The following ASXL3 variants were observed in gnomAD, a reference collection of about 807,000 sequenced individuals.
ASXL3 encodes ASXL transcriptional regulator 3.
ASXL3 carries 34 observed loss-of-function variants against 170.6 expected under a neutral mutation model. That is an observed-to-expected ratio of 0.20 (90% confidence interval 0.15 to 0.27). The LOEUF is 0.27. Ranked by LOEUF, ASXL3 falls within the 10% of genes least tolerant of loss-of-function variation. The pLI is 1.00. For synonymous variants in ASXL3, 1,002 were observed against 989.1 expected (o/e 1.01, Z -0.24); for missense variants, 2,592 against 2,695.3 (o/e 0.96, Z 0.85).
intron 1 of ASXL3, among the ~76,000 whole-genome samples, chr18:33,596,750 T>C (rs1252137201): frequency 6.6e-6 from 1 of 152,210 alleles, no homozygotes; most frequent in Non-Finnish European, 1.5e-5. Context: ...GTTTCTGTTA[T>C]TGGTTGAGTA....
chr18:33,581,170 A>G (rs2064988557), intron 1 of ASXL3, among the ~76,000 whole-genome samples: 1 of 152,130 alleles, frequency 6.6e-6, no homozygotes, highest in Admixed American at 6.6e-5. Flanking sequence ...AATTGATAGT[A>G]TTTCTTAACT....
intron 2 of ASXL3, chr18:33,641,777 T>C (rs1268441386): frequency 6.6e-6 from 1 of 152,540 alleles, no homozygotes; most frequent in Non-Finnish European, 1.5e-5. Context: ...TTGTTTTCCT[T>C]CTATAAATCG....
At chr18:33,643,259 G>C (rs1285774253) in intron 2 of ASXL3, among the ~76,000 whole-genome samples, 1 of 151,722 alleles carries the variant, frequency 6.6e-6, no homozygotes, top group Non-Finnish European at 1.5e-5. Flanking sequence ...AATTTATTTG[G>C]AATTTATTCA....
Position 33,746,424 on chromosome 18 carries a change from C to T in ASXL3, c.6576C>T (p.Asn2192=), listed in dbSNP as rs373489061. Residue 2192 remains asparagine (N), a synonymous_variant, in exon 12 of 12, where the codon AAC becomes AAT. Transcript: ENST00000269197. The part of the protein sequence containing the change: ...SNPATGLSGQ[N]AQMPVQNFAD... ...CTGCCACAGGCTTGTCTGGTCAGAA[C>T]GCTCAGATGCCCGTTCAGAACTTTG... The T allele has an allele frequency of 1.3e-5, 21 of 1,613,876 alleles. No individual in the cohort carries two copies. Among genetic ancestry groups the T allele is most frequent in the African/African-American group, 9.3e-5 (7 of 74,940 alleles).
intron 2 of ASXL3, among the ~76,000 whole-genome samples, chr18:33,642,401 C>T (rs1272216095): frequency 2.6e-5 from 4 of 151,698 alleles, no homozygotes; most frequent in Non-Finnish European, 5.9e-5. Flanking sequence ...TTTAAAAAAA[C>T]GGACCAGAAT....
At chr18:33,607,255 G>A (rs1043647456) in intron 1 of ASXL3, among the ~76,000 whole-genome samples, 9 of 151,904 alleles carry the variant, frequency 5.9e-5, no homozygotes, top group African/African-American at 1.9e-4. Flanking sequence ...TTAACAGCCT[G>A]AAAACATGAC....
Position 33,750,253 on chromosome 18 carries a change from C to G in ASXL3, c.*3658C>G, listed in dbSNP as rs569526066. 7 of 152,300 alleles carry G rather than the reference C, an allele frequency of 4.6e-5. No homozygotes were observed. Among genetic ancestry groups the G allele is most frequent in the African/African-American group, 1.7e-4 (7 of 41,566 alleles). 9.4% of individuals were successfully genotyped at this position (152,300 alleles called of 1,614,324 possible). A position where few individuals can be genotyped will look rare whatever the true frequency, so the allele number is the denominator to read the frequency against. On this transcript the variant is annotated 3_prime_UTR_variant, in exon 12 of 12. Transcript: ENST00000269197. The stretch of plus-strand genomic sequence containing the variant: ...CCAAAATGTTACTAAATATAAAATT[C>G]CTGTCGTCTTCAGTCTTCATGCTTT...
rs758249028 is a variant in ASXL3, at chr18:33,743,439, C to T, written c.3591C>T (p.Asp1197=). ...NPSKLPETAT[D]LSVHSSDENI... ...GTAAACTTCCAGAAACTGCCACTGA[C>T]TTATCTGTGCATAGTTCTGATGAAA... The change falls in exon 12 of 12, where the codon GAC becomes GAT. Residue 1197 remains aspartate, a synonymous_variant. Coordinates refer to ENST00000269197, the MANE Select transcript of ASXL3 (RefSeq NM_030632.3). The T allele has an allele frequency of 5.6e-6, 9 of 1,613,416 alleles. No individual in the cohort carries two copies. The highest frequency in any genetic ancestry group is 6.8e-6 in the Non-Finnish European group (8 of 1,179,888).
intron 8 of ASXL3, among the ~76,000 whole-genome samples, chr18:33,711,849 A>C (rs1444388925): frequency 6.6e-6 from 1 of 152,086 alleles, no homozygotes; most frequent in East Asian, 1.9e-4. Context: ...CTTATATATC[A>C]CTCAGCAATA....
intron 2 of ASXL3, among the ~76,000 whole-genome samples, chr18:33,621,247 T>C (rs2065508211): frequency 6.6e-6 from 1 of 152,176 alleles, no homozygotes; most frequent in South Asian, 2.1e-4. Flanking sequence ...GACTCATCTT[T>C]AAGCTTAGAA....
In ASXL3 at chr18:33,744,507, G is replaced by C. The variant is rs574964675; in HGVS notation, c.4659G>C (p.Pro1553=). ...SAAKQDSKTL[P]ATCTSLRELP... ...CAAAACAAGACAGTAAAACATTGCC[G>C]GCCACCTGCACAAGTCTCCGAGAAT... is the stretch of plus-strand genomic sequence containing the variant. Residue 1553 remains proline, a synonymous_variant, in exon 12 of 12, where the codon CCG becomes CCC. Transcript: ENST00000269197. The C allele has an allele frequency of 3.1e-6, 5 of 1,612,072 alleles. No individual in the cohort carries two copies. The highest frequency in any genetic ancestry group is 1.7e-5 in the Admixed American group (1 of 59,884).
At position 33,661,598 on chromosome 18, in the gene ASXL3, ATC is replaced by A. The variant is rs1568311423; in HGVS notation, c.356-10_356-9del. 7 of 1,596,782 alleles carry A rather than the reference ATC, an allele frequency of 4.4e-6. No individual in the cohort carries two copies. Among genetic ancestry groups the A allele is most frequent in the Non-Finnish European group, 6.0e-6 (7 of 1,170,524 alleles). ...AGGAATTCAAATTAGTAATATCATT[ATC>A]TCTCTCTGTTTCTAGTTTGTTCGAA... On this transcript the variant is annotated splice_polypyrimidine_tract_variant and intron_variant, in intron 4 of 11. Coordinates refer to ENST00000269197, the MANE Select transcript of ASXL3 (RefSeq NM_030632.3).
chr18:33,610,081 T>C (rs1333900089), intron 2 of ASXL3, among the ~76,000 whole-genome samples: 2 of 152,062 alleles, frequency 1.3e-5, no homozygotes, highest in Non-Finnish European at 2.9e-5. Context: ...TGTATGTATG[T>C]TGTTTCAAGG....
At chr18:33,580,769 GA>G (rs1478696249) in intron 1 of ASXL3, among the ~76,000 whole-genome samples, 1 of 152,178 alleles carries the variant, frequency 6.6e-6, no homozygotes, top group Non-Finnish European at 1.5e-5. Context: ...CAACACAAAA[GA>G]ACGATAGACC....
intron 8 of ASXL3, among the ~76,000 whole-genome samples, chr18:33,701,984 G>C (rs962904018): frequency 7.2e-5 from 11 of 151,754 alleles, no homozygotes; most frequent in African/African-American, 2.7e-4. Flanking sequence ...ATTTACTATT[G>C]TGCCCCTCTT....
rs76818479 is a variant in ASXL3 at position 33,624,264 on chromosome 18, G to A, written c.137+16588G>A. 3.0e-3 allele frequency among the ~76,000 whole-genome samples: 452 copies of A among 152,076 alleles called. 2 individuals carry two copies. The highest frequency in any genetic ancestry group is 0.01 in the African/African-American group (418 of 41,486). On this transcript the variant is annotated intron_variant, in intron 2 of 11. Transcript: ENST00000269197. ...AAGTAAATTATCCTTTATTAACTGAGATGCTTTATTTGGATCTTATTTGTA... is the reference window on the plus strand; with the variant it reads ...AAGTAAATTATCCTTTATTAACTGAAATGCTTTATTTGGATCTTATTTGTA...
At chr18:33,662,925 C>T (rs1429334186) in intron 5 of ASXL3, among the ~76,000 whole-genome samples, 4 of 152,092 alleles carry the variant, frequency 2.6e-5, no homozygotes, top group Non-Finnish European at 5.9e-5. Context: ...GTACCTCAGA[C>T]AAGAAAACAT....
At chr18:33,614,821 C>T (rs943912060) in intron 2 of ASXL3, 1 of 146,028 alleles carries the variant, frequency 6.8e-6, no homozygotes, top group Non-Finnish European at 1.5e-5. Context: ...TGAAAGGAAT[C>T]TTTTTTTTTT....
chr18:33,735,435 T>TA (rs1240611036), intron 10 of ASXL3, among the ~76,000 whole-genome samples: 1 of 152,210 alleles, frequency 6.6e-6, no homozygotes, highest in Non-Finnish European at 1.5e-5. Flanking sequence ...GATATATATA[T>TA]TTTTAAGCAA....
Sources: allele counts gnomAD v4.1 joint callset (sites outside exome capture counted in the v4.1 genomes callset), GRCh38; gene constraint gnomAD v4.1.1; transcripts MANE v1.5; gene names NCBI Gene and HGNC (gene_info 2026-07-23, HGNC 2026-07-21).